Variants in DLGAP2 observed in about 807,000 individuals in gnomAD.
The protein encoded by DLGAP2 is DLG associated protein 2, also known as disks large-associated protein 2.
A neutral mutation model predicts 100.3 loss-of-function variants in DLGAP2; 26 were observed. That is an observed-to-expected ratio of 0.26 (90% CI 0.19 to 0.36). The LOEUF (loss-of-function observed/expected upper bound fraction) is 0.36, where lower values mean the gene tolerates loss of function less well. DLGAP2 is among the 10% of genes least tolerant of loss of function. The pLI is 1.00. For missense variants in DLGAP2, 1,858 were observed against 1,453.2 expected (o/e 1.28, Z -4.53); for synonymous variants, 886 against 630.1 (o/e 1.41, Z -6.08).
At chr8:1,156,378 C>T (rs1339531931) in intron 2 of DLGAP2, among the ~76,000 whole-genome samples, 1 of 152,188 alleles carries the variant, frequency 6.6e-6, no homozygotes, top group Admixed American at 6.5e-5. Context: ...GGTGGCCTCA[C>T]TCTGGACGCC....
At chr8:1,243,115 C>G (rs919493616) in intron 2 of DLGAP2, among the ~76,000 whole-genome samples, 2 of 152,246 alleles carry the variant, frequency 1.3e-5, no homozygotes, top group Admixed American at 1.3e-4. Flanking sequence ...AATATTTGTC[C>G]TTTGTGGGCG....
chr8:866,722 C>T (rs1797505287), intron 1 of DLGAP2, among the ~76,000 whole-genome samples: 1 of 152,228 alleles, frequency 6.6e-6, no homozygotes, highest in Admixed American at 6.5e-5. Flanking sequence ...TTCCCAGACG[C>T]TGTGTGCTGT....
In DLGAP2 at chr8:1,647,488, C is replaced by CAAAAAAAAAAAA. The variant is rs567451595; in HGVS notation, c.1810+14469_1810+14480dup. On this transcript the variant is annotated intron_variant, in intron 8 of 14. Coordinates refer to ENST00000637795, the MANE Select transcript of DLGAP2 (RefSeq NM_001346810.2). ...TGGGAGACAGAGAGAGACTCTGTCTCAAAAAAAAAAAAAAAAAAAAAAAAA... is the reference window on the plus strand; with the variant it reads ...TGGGAGACAGAGAGAGACTCTGTCTCAAAAAAAAAAAAAAAAAAAAAAAAAAAAAAAAAAAAA... Among the ~76,000 whole-genome samples the CAAAAAAAAAAAA allele has an allele frequency of 2.7e-4, 12 of 44,982 alleles. 4 individuals carry two copies. The highest frequency in any genetic ancestry group is 6.4e-4 in the Non-Finnish European group (11 of 17,214). 29.5% of individuals were successfully genotyped at this position (44,982 alleles called of 152,430 possible).
At chr8:1,455,990 A>C (rs1009871253) in intron 3 of DLGAP2, among the ~76,000 whole-genome samples, 1 of 152,234 alleles carries the variant, frequency 6.6e-6, no homozygotes, top group Non-Finnish European at 1.5e-5. Flanking sequence ...TGTCTTAAAA[A>C]GACCTGATGC....
At chr8:1,386,775 A>T (rs531595951) in intron 3 of DLGAP2, among the ~76,000 whole-genome samples, 13 of 152,282 alleles carry the variant, frequency 8.5e-5, no homozygotes, top group African/African-American at 3.1e-4. Context: ...ATGCGGCAAG[A>T]AGGTGAGATC....
intron 2 of DLGAP2, among the ~76,000 whole-genome samples, chr8:1,177,371 A>G (rs1673717820): frequency 6.6e-6 from 1 of 152,080 alleles, no homozygotes. Flanking sequence ...TACCAGATCG[A>G]AAAATGTGTG....
chr8:1,247,479 G>A lies in DLGAP2; in HGVS notation c.74-11372G>A, dbSNP rs1318883460. On this transcript the variant is annotated intron_variant, in intron 2 of 14. Transcript: ENST00000637795. ...GATCAGTGTGGGAGTGATGGTCCAT[G>A]TTGGTGGCCGGGAAGACCTTTGAGA... Among the ~76,000 whole-genome samples the A allele has an allele frequency of 4.7e-3, 501 of 106,250 alleles. 1 individual carries two copies. Among genetic ancestry groups the A allele is most frequent in the Middle Eastern group, 0.021 (3 of 140 alleles). The allele number at this position is 106,250 out of a possible 152,430, so 69.7% of individuals were successfully genotyped here. A position where few individuals can be genotyped will look rare whatever the true frequency, so the allele number is the denominator to read the frequency against.
At chr8:1,101,597 C>A (rs2129043800) in intron 2 of DLGAP2, among the ~76,000 whole-genome samples, 1 of 152,152 alleles carries the variant, frequency 6.6e-6, no homozygotes, top group Admixed American at 6.5e-5. Flanking sequence ...GAGATGGTGA[C>A]ACGACAATGG....
intron 2 of DLGAP2, among the ~76,000 whole-genome samples, chr8:1,256,829 G>A (rs764557808): frequency 7.9e-5 from 12 of 152,118 alleles, no homozygotes; most frequent in Non-Finnish European, 1.6e-4. Context: ...GGGATGGCCC[G>A]AGTCTGAGCT....
intron 1 of DLGAP2, among the ~76,000 whole-genome samples, chr8:897,782 T>C (rs1798172964): frequency 6.6e-6 from 1 of 152,200 alleles, no homozygotes; most frequent in Non-Finnish European, 1.5e-5. Flanking sequence ...CAACGGCTTT[T>C]CCTTATGACA....
intron 2 of DLGAP2, among the ~76,000 whole-genome samples, chr8:1,203,482 C>T (rs17747225): frequency 0.42 from 46,619 of 110,852 alleles, 9,799 homozygotes; most frequent in African/African-American, 0.7. Flanking sequence ...GCCTTTTCTG[C>T]GTGTGCATTT....
chr8:1,312,403 CA>C (rs1800634320), intron 3 of DLGAP2, among the ~76,000 whole-genome samples: 1 of 152,180 alleles, frequency 6.6e-6, no homozygotes, highest in African/African-American at 2.4e-5. Flanking sequence ...TGACAGACCA[CA>C]GATTTGACAA....
chr8:878,461 G>T (rs1228023401), intron 1 of DLGAP2, among the ~76,000 whole-genome samples: 1 of 152,172 alleles, frequency 6.6e-6, no homozygotes, highest in Non-Finnish European at 1.5e-5. Context: ...AGGTTGTGGG[G>T]ACTGCAGAGC....
intron 2 of DLGAP2, among the ~76,000 whole-genome samples, chr8:1,142,598 G>T (rs907064049): frequency 1.3e-5 from 2 of 152,218 alleles, no homozygotes; most frequent in African/African-American, 4.8e-5. Flanking sequence ...ATTCATGCTT[G>T]TTCTGTAAGC....
chr8:1,411,716 T>G (rs986429991), intron 3 of DLGAP2, among the ~76,000 whole-genome samples: 2 of 152,216 alleles, frequency 1.3e-5, no homozygotes, highest in African/African-American at 4.8e-5. Context: ...CTCACGAAGC[T>G]GCGTGTCTAC....
chr8:737,636 C>A lies in DLGAP2; in HGVS notation c.-172C>A, dbSNP rs1303449230. 5 of 346,396 alleles carry A rather than the reference C, an allele frequency of 1.4e-5. No individual in the cohort carries two copies. The highest frequency in any genetic ancestry group is 2.6e-5 in the Non-Finnish European group (5 of 192,790). The allele number at this position is 346,396 out of a possible 1,614,324, so 21.5% of individuals were successfully genotyped here. On this transcript the variant is annotated 5_prime_UTR_variant, in exon 1 of 15. Coordinates refer to ENST00000637795, the MANE Select transcript of DLGAP2 (RefSeq NM_001346810.2). ...GCAGGCGCCGGCCGTGAAGACCGACCGTGCGCCGGGCTCGAGCGCGGTCTG... is the reference window on the plus strand; with the variant it reads ...GCAGGCGCCGGCCGTGAAGACCGACAGTGCGCCGGGCTCGAGCGCGGTCTG...
At chr8:1,579,292 A>G (rs1377208864) in intron 6 of DLGAP2, among the ~76,000 whole-genome samples, 2 of 152,132 alleles carry the variant, frequency 1.3e-5, no homozygotes, top group East Asian at 3.9e-4. Flanking sequence ...TTAAATATGT[A>G]AGCATTAAAA....
intron 2 of DLGAP2, among the ~76,000 whole-genome samples, chr8:1,196,707 C>A (rs1401103284): frequency 2.0e-5 from 3 of 152,142 alleles, no homozygotes; most frequent in Admixed American, 6.5e-5. Flanking sequence ...ATTTCCCAAG[C>A]AGCCGCACGT....
At chr8:1,164,893 G>A (rs910111755) in intron 2 of DLGAP2, among the ~76,000 whole-genome samples, 1 of 152,048 alleles carries the variant, frequency 6.6e-6, no homozygotes, top group Non-Finnish European at 1.5e-5. Context: ...TCTTGACCTC[G>A]TCTCCTGTAA....
Sources: gnomAD v4.1 joint callset for allele counts (sites outside exome capture counted in the v4.1 genomes callset) on GRCh38, gnomAD v4.1.1 for gene constraint, MANE v1.5 for transcripts, NCBI Gene and HGNC (gene_info 2026-07-23, HGNC 2026-07-21) for gene names.